Variants in ANO6 observed in about 807,000 individuals in gnomAD.
ANO6 encodes the protein anoctamin-6.
Under a neutral mutation model 117.5 loss-of-function variants are expected in ANO6, and 106 were observed. That is an observed-to-expected ratio of 0.90 (90% confidence interval 0.77 to 1.06). The LOEUF (loss-of-function observed/expected upper bound fraction) is 1.06, where lower values mean the gene tolerates loss of function less well. ANO6 is among the 50% of genes least tolerant of loss of function. ANO6 has a pLI of 0.00. For synonymous variants in ANO6, 367 were observed against 385.1 expected, an observed-to-expected ratio of 0.95 and a Z score of 0.55; for missense variants, 955 against 1,121.1, an observed-to-expected ratio of 0.85 and a Z score of 2.12.
At chr12:45,439,492 T>C (rs1414030704) in intron 19 of ANO6, among the ~76,000 whole-genome samples, 1 of 152,188 alleles carries the variant, frequency 6.6e-6, no homozygotes, top group Non-Finnish European at 1.5e-5. Flanking sequence ...TTACTCCTTG[T>C]CCATGGGAGA....
chr12:45,331,354 C>G lies in ANO6; in HGVS notation c.210C>G (p.Asp70Glu). 6.2e-7 allele frequency: 1 copy of G among 1,610,014 alleles called. No individual in the cohort carries two copies. Among genetic ancestry groups the G allele is most frequent in the Non-Finnish European group, 8.5e-7 (1 of 1,178,020 alleles). ...LFFNDGQRRI[D>E]FVLVYEDESR... ...TTAATGATGGCCAGCGAAGAATTGA[C>G]TTTGTTCTAGTATATGAGGATGAAA... Residue 70 changes from aspartate to glutamate, a missense_variant, in exon 3 of 20, where the codon GAC (aspartate) becomes GAG (glutamate). Physicochemically the swap from Asp to Glu is conservative, Grantham distance 45 (BLOSUM62 2). Transcript: ENST00000320560.
intron 1 of ANO6, among the ~76,000 whole-genome samples, chr12:45,225,586 T>G (rs1343412505): frequency 6.6e-6 from 1 of 152,108 alleles, no homozygotes; most frequent in African/African-American, 2.4e-5. Flanking sequence ...CCTCCCAGGT[T>G]CACGCCATTC....
chr12:45,267,823 T>C (rs1002020660), intron 1 of ANO6, among the ~76,000 whole-genome samples: 1 of 152,110 alleles, frequency 6.6e-6, no homozygotes, highest in African/African-American at 2.4e-5. Context: ...TTGTAAATTA[T>C]GTATGAAGAG....
At chr12:45,292,062 G>A (rs1279739692) in intron 1 of ANO6, among the ~76,000 whole-genome samples, 4 of 152,150 alleles carry the variant, frequency 2.6e-5, no homozygotes, top group East Asian at 3.9e-4. Context: ...AACAACACCC[G>A]TGTCCATCCA....
intron 17 of ANO6, 91 bp from the exon 18 acceptor site, chr12:45,420,980 G>A (rs890636050): frequency 1.7e-5 from 23 of 1,383,712 alleles, no homozygotes; most frequent in Admixed American, 1.2e-4. Context: ...AGCCGAGATC[G>A]TGCCATGCAG....
At chr12:45,304,916 A>T (rs7970250) in intron 2 of ANO6, among the ~76,000 whole-genome samples, 5 of 152,232 alleles carry the variant, frequency 3.3e-5, no homozygotes, top group South Asian at 4.1e-4. Flanking sequence ...GAACCTCCCA[A>T]GTGGCCTGGA....
downstream of ANO6, among the ~76,000 whole-genome samples, chr12:45,435,452 A>G (rs939922156): frequency 2.0e-5 from 3 of 151,914 alleles, no homozygotes; most frequent in African/African-American, 7.3e-5. Flanking sequence ...TTTCTTAGGA[A>G]CTCTTTGACC....
chr12:45,427,322 C>G (rs1268855016), intron 19 of ANO6, among the ~76,000 whole-genome samples: 1 of 152,122 alleles, frequency 6.6e-6, no homozygotes, highest in Non-Finnish European at 1.5e-5. Flanking sequence ...CCAGCCACGC[C>G]CCAGTGCCCC....
At chr12:45,307,868 A>G (rs1939719758) in intron 2 of ANO6, among the ~76,000 whole-genome samples, 1 of 152,028 alleles carries the variant, frequency 6.6e-6, no homozygotes, top group Admixed American at 6.6e-5. Context: ...CCACATTCTG[A>G]TGATGGAGAA....
chr12:45,402,163 TGTATGGAAATAAATTA>T (rs1361790543), intron 13 of ANO6, 143 bp downstream of exon 13: 10 of 689,346 alleles, frequency 1.5e-5, no homozygotes, highest in South Asian at 1.1e-4. Flanking sequence ...TTCTCTAGCA[TGTATGGAAATAAATTA>T]TCTACAGCTT....
At chr12:45,229,826 A>G (rs1362307285) in intron 1 of ANO6, among the ~76,000 whole-genome samples, 36 of 152,074 alleles carry the variant, frequency 2.4e-4, no homozygotes, top group Non-Finnish European at 5.1e-4. Flanking sequence ...TGGCCTAGAC[A>G]TTCATCAGCC....
chr12:45,317,113 G>GTGTGTGTGTATA lies in ANO6; in HGVS notation c.151-14181_151-14180insGTGTGTGTATAT. Among the ~76,000 whole-genome samples, 42 of 66,462 alleles carry GTGTGTGTGTATA rather than the reference G, an allele frequency of 6.3e-4. 2 individuals are homozygous for GTGTGTGTGTATA. Among genetic ancestry groups the GTGTGTGTGTATA allele is most frequent in the African/African-American group, 1.4e-3 (33 of 24,320 alleles). The allele number at this position is 66,462 out of a possible 152,430, so 43.6% of individuals were successfully genotyped here. Reference sequence around the variant, plus strand: ...AAAGACAGCTGGATTCTTTTTATATGTATATATATATATATATATTTATTA... The same window carrying GTGTGTGTGTATA: ...AAAGACAGCTGGATTCTTTTTATATGTGTGTGTGTATATATATATATATATATATATTTATTA... On this transcript the variant is annotated intron_variant, in intron 2 of 19. Coordinates refer to ENST00000320560, the MANE Select transcript of ANO6 (RefSeq NM_001025356.3).
rs1941192513 is a variant in ANO6 at position 45,348,237 on chromosome 12, A to G, written c.555A>G (p.Pro185=). ...CAGAGCAAGAGTTTTTCACTGCCCC[A>G]TTTGAGAAGAACCGGATGAATGATT... ...IKPEQEFFTA[P]FEKNRMNDFY... Residue 185 remains proline, a synonymous_variant, in exon 5 of 20, where the codon CCA becomes CCG. Coordinates refer to ENST00000320560, the MANE Select transcript of ANO6 (RefSeq NM_001025356.3). 8 of 1,613,958 alleles carry G rather than the reference A, an allele frequency of 5.0e-6. No individual in the cohort carries two copies. Among genetic ancestry groups the G allele is most frequent in the African/African-American group, 2.7e-5 (2 of 74,902 alleles).
At chr12:45,428,727 T>C (rs111330094) in intron 19 of ANO6, among the ~76,000 whole-genome samples, 5 of 152,332 alleles carry the variant, frequency 3.3e-5, no homozygotes, top group African/African-American at 7.2e-5. Context: ...TGTACAGATA[T>C]GATAGCACTG....
chr12:45,358,888 G>A (rs1326884794), intron 8 of ANO6, among the ~76,000 whole-genome samples: 4 of 151,650 alleles, frequency 2.6e-5, no homozygotes, highest in Admixed American at 6.6e-5. Context: ...AGGTCCAAGC[G>A]AGTCTCCTGC....
intron 12 of ANO6, among the ~76,000 whole-genome samples, chr12:45,396,438 G>T (rs899094962): frequency 6.6e-6 from 1 of 152,130 alleles, no homozygotes; most frequent in Non-Finnish European, 1.5e-5. Context: ...TATAAATTCA[G>T]TGCCATCCCC....
chr12:45,307,557 T>C (rs544125259), intron 2 of ANO6, among the ~76,000 whole-genome samples: 38 of 152,198 alleles, frequency 2.5e-4, no homozygotes, highest in African/African-American at 6.7e-4. Flanking sequence ...GAGAAGTCAG[T>C]ATGCAGTGGG....
At chr12:45,418,949 G>A (rs1943283899) in intron 17 of ANO6, among the ~76,000 whole-genome samples, 1 of 152,170 alleles carries the variant, frequency 6.6e-6, no homozygotes, top group Non-Finnish European at 1.5e-5. Flanking sequence ...TTATATGTGT[G>A]CTTGTGCAAG....
chr12:45,291,433 T>C (rs530477428), intron 1 of ANO6, among the ~76,000 whole-genome samples: 1 of 142,874 alleles, frequency 7.0e-6, no homozygotes, highest in African/African-American at 2.6e-5. Context: ...ATCAAAAACA[T>C]GAACAAAAAA....
Sources: allele counts gnomAD v4.1 joint callset (sites outside exome capture counted in the v4.1 genomes callset), GRCh38; gene constraint gnomAD v4.1.1; transcripts MANE v1.5; gene names NCBI Gene and HGNC (gene_info 2026-07-23, HGNC 2026-07-21).